SERHL2: variants seen among roughly 807,000 people sequenced by gnomAD.
SERHL2 encodes serine hydrolase-like protein 2.
A neutral mutation model predicts 25.5 loss-of-function variants in SERHL2; 29 were observed. The observed-to-expected ratio is 1.14, with a 90% CI of 0.85 to 1.55. SERHL2 has a LOEUF of 1.55. Among genes scored for constraint, SERHL2 ranks in the 40% most tolerant of loss-of-function variants. SERHL2 has a pLI of 0.00. For synonymous variants in SERHL2, 95 were observed against 103.5 expected, an observed-to-expected ratio of 0.92 and a Z score of 0.50; for missense variants, 240 against 252.3, an observed-to-expected ratio of 0.95 and a Z score of 0.33.
intron 9 of SERHL2, among the ~76,000 whole-genome samples, chr22:42,567,460 C>G (rs973828933): frequency 6.6e-6 from 1 of 150,484 alleles, no homozygotes; most frequent in African/African-American, 2.4e-5. Context: ...GTCAGGAGAT[C>G]GAGACCATCC....
intron 8 of SERHL2, chr22:42,563,298 G>A (rs887942256): frequency 4.1e-6 from 1 of 244,376 alleles, no homozygotes; most frequent in Admixed American, 4.9e-5. Flanking sequence ...TGGCCTCATG[G>A]GCTCAGGCGA....
chr22:42,566,389 T>G, intron 9 of SERHL2, 51 bp downstream of exon 9: 1 of 1,589,144 alleles, frequency 6.3e-7, no homozygotes, highest in Non-Finnish European at 8.6e-7. Flanking sequence ...TGTTAGCGTC[T>G]TTGTCGTTTT....
chr22:42,573,756 T>G, intron 11 of SERHL2, 180 bp from the exon 12 acceptor site: 1 of 704,694 alleles, frequency 1.4e-6, no homozygotes, highest in Admixed American at 2.4e-5. Flanking sequence ...GTTAGACACC[T>G]CCTGGGGTGC....
Position 42,568,094 on chromosome 22 carries a change from G to A in SERHL2, c.648+1756G>A, listed in dbSNP as rs181817899. On this transcript the variant is annotated intron_variant, in intron 9 of 11. Coordinates refer to ENST00000327678, the MANE Select transcript of SERHL2 (RefSeq NM_014509.5). ...GACTGGAGTGCCATGGCTCAATTATGGCTCACACAGCTTCAACCTCCTGGG... is the reference window on the plus strand; with the variant it reads ...GACTGGAGTGCCATGGCTCAATTATAGCTCACACAGCTTCAACCTCCTGGG... Among the ~76,000 whole-genome samples the A allele has an allele frequency of 4.7e-4, 71 of 151,974 alleles. 1 individual carries two copies. In the East Asian group the frequency reaches 0.012, roughly 26 times the overall value.
chr22:42,554,478 G>T (rs534431219), intron 1 of SERHL2, among the ~76,000 whole-genome samples: 1 of 152,150 alleles, frequency 6.6e-6, no homozygotes, highest in African/African-American at 2.4e-5. Flanking sequence ...AGTGACAGTG[G>T]TCCCACCTGC....
chr22:42,560,168 C>G lies in SERHL2; in HGVS notation c.534-18C>G. 1 of 1,600,260 alleles carries G rather than the reference C, an allele frequency of 6.2e-7. No individual in the cohort carries two copies. The highest frequency in any genetic ancestry group is 1.1e-5 in the South Asian group (1 of 90,900). ...TTATTGGCCTCCAGGCACCCAGCAT[C>G]CTTCTGTCTCCCCCCAGGTTACTGA... On this transcript the variant is annotated intron_variant, in intron 7 of 11. Coordinates refer to ENST00000327678, the MANE Select transcript of SERHL2 (RefSeq NM_014509.5).
At position 42,567,435 on chromosome 22, in the gene SERHL2, C is replaced by T. The variant is rs1303401385; in HGVS notation, c.648+1097C>T. On this transcript the variant is annotated intron_variant, in intron 9 of 11. Coordinates refer to ENST00000327678, the MANE Select transcript of SERHL2 (RefSeq NM_014509.5). ...GTCCCAGCACTTTGGGAGGCCGAGG[C>T]GGGTGGATCACAAGGTCAGGAGATC... 4.6e-5 allele frequency among the ~76,000 whole-genome samples: 7 copies of T among 151,804 alleles called. No individual in the cohort carries two copies. In the South Asian group the frequency reaches 1.0e-3, roughly 23 times the overall value.
chr22:42,560,290 C>T, intron 8 of SERHL2, 25 bp downstream of exon 8: 1 of 1,534,318 alleles, frequency 6.5e-7, no homozygotes, highest in Non-Finnish European at 9.0e-7. Context: ...TGTCCAAGGC[C>T]ATTTTATATT....
chr22:42,572,291 C>T (rs938865139), intron 10 of SERHL2, 145 bp from the exon 11 acceptor site: 14 of 577,914 alleles, frequency 2.4e-5, no homozygotes, highest in Middle Eastern at 4.6e-4. Context: ...AAATCCAACC[C>T]AGGGTCAAGG....
Position 42,573,853 on chromosome 22 carries a change from T to G in SERHL2, c.826-83T>G, listed in dbSNP as rs965061777. On this transcript the variant is annotated intron_variant, in intron 11 of 11. Transcript: ENST00000327678. ...TGACCTGCAGGGAGCTGGAATGCTGTGGGAGGGCCCTGACCCCGGGGCCCA... is the reference window on the plus strand; with the variant it reads ...TGACCTGCAGGGAGCTGGAATGCTGGGGGAGGGCCCTGACCCCGGGGCCCA... 20 of 1,366,060 alleles carry G rather than the reference T, an allele frequency of 1.5e-5. No individual in the cohort carries two copies. In the African/African-American group the frequency reaches 2.8e-4, roughly 19 times the overall value. The allele number at this position is 1,366,060 out of a possible 1,614,324, so 84.6% of individuals were successfully genotyped here.
At chr22:42,566,558 GA>G (rs147819513) in intron 9 of SERHL2, among the ~76,000 whole-genome samples, 2 of 142,264 alleles carry the variant, frequency 1.4e-5, no homozygotes, top group African/African-American at 5.2e-5. Context: ...TCCATCTCAA[GA>G]AAAAAAAAAC....
intron 8 of SERHL2, chr22:42,565,344 G>C (rs75753546): frequency 1.5e-5 from 2 of 133,944 alleles, no homozygotes; most frequent in Admixed American, 1.5e-4. Flanking sequence ...TTTTTTTTTT[G>C]AGACGGAGTC....
At chr22:42,571,675 C>G (rs1326822023) in intron 10 of SERHL2, 1 of 178,530 alleles carries the variant, frequency 5.6e-6, no homozygotes, top group African/African-American at 2.4e-5. Flanking sequence ...CCGCCCGCCT[C>G]GGCCTCCCAG....
intron 8 of SERHL2, among the ~76,000 whole-genome samples, chr22:42,560,766 C>T (rs749567595): frequency 7.2e-5 from 11 of 152,030 alleles, no homozygotes; most frequent in East Asian, 1.9e-4. Context: ...GACAAGGTCT[C>T]GCTCTGTCAC....
chr22:42,554,919 AC>A lies in SERHL2; in HGVS notation c.23-16del. 2 of 1,207,636 alleles carry A rather than the reference AC, an allele frequency of 1.7e-6. No homozygotes were observed. Among genetic ancestry groups the A allele is most frequent in the South Asian group, 1.4e-5 (1 of 69,990 alleles). The allele number at this position is 1,207,636 out of a possible 1,614,324, so 74.8% of individuals were successfully genotyped here. ...GGGTGAATGAATGAAGGAATGAAAG[AC>A]CCGGCTGTGTCTTTCAGGTCTGATC... On this transcript the variant is annotated intron_variant, in intron 1 of 11. Transcript: ENST00000327678.
At chr22:42,564,391 C>T (rs1161231770) in intron 8 of SERHL2, among the ~76,000 whole-genome samples, 1 of 151,420 alleles carries the variant, frequency 6.6e-6, no homozygotes, top group East Asian at 1.9e-4. Context: ...TATGATCTTA[C>T]TGTACCACAC....
chr22:42,556,432 G>A, intron 5 of SERHL2, 82 bp from the exon 6 acceptor site: 2 of 1,561,452 alleles, frequency 1.3e-6, no homozygotes, highest in East Asian at 2.2e-5. Context: ...ATGTTTCGGG[G>A]AACTCCAGGG....
At chr22:42,568,173 G>A (rs780326813) in intron 9 of SERHL2, among the ~76,000 whole-genome samples, 3 of 148,992 alleles carry the variant, frequency 2.0e-5, no homozygotes, top group South Asian at 2.2e-4. Flanking sequence ...ACAGGTGTGC[G>A]CTACCACACC....
intron 9 of SERHL2, among the ~76,000 whole-genome samples, chr22:42,568,307 G>A (rs1280892156): frequency 6.6e-6 from 1 of 151,416 alleles, no homozygotes; most frequent in East Asian, 1.9e-4. Context: ...ACAGGTGTGA[G>A]CCACTGCAGC....
Sources: allele counts gnomAD v4.1 joint callset (sites outside exome capture counted in the v4.1 genomes callset), GRCh38; gene constraint gnomAD v4.1.1; transcripts MANE v1.5; gene names NCBI Gene and HGNC (gene_info 2026-07-23, HGNC 2026-07-21).